The following APBB2 variants were observed in gnomAD, a reference collection of about 807,000 sequenced individuals.
APBB2 encodes amyloid beta precursor protein binding family B member 2, also known as Fe65-like 1.
Under a neutral mutation model 82.5 loss-of-function variants are expected in APBB2, and 38 were observed. The observed-to-expected ratio is 0.46, with a 90% CI of 0.36 to 0.60. The LOEUF is 0.60. APBB2 is among the 20% of genes least tolerant of loss of function. The pLI is 0.00. For missense variants in APBB2, 772 were observed against 972.3 expected (o/e 0.79, Z 2.74); for synonymous variants, 341 against 368.2 (o/e 0.93, Z 0.85).
chr4:41,137,741 G>A (rs1416164775), intron 2 of APBB2, among the ~76,000 whole-genome samples: 2 of 152,082 alleles, frequency 1.3e-5, no homozygotes, highest in African/African-American at 4.8e-5. Flanking sequence ...TACAAAAAAA[G>A]TCAAGTCACT....
chr4:41,024,207 TACA>T (rs1311349667), intron 5 of APBB2, among the ~76,000 whole-genome samples: 5 of 152,186 alleles, frequency 3.3e-5, no homozygotes, highest in Admixed American at 1.3e-4. Flanking sequence ...CACTTAAATG[TACA>T]ACCCCAAACT....
At chr4:41,134,396 G>A (rs12499062) in intron 2 of APBB2, among the ~76,000 whole-genome samples, 37,150 of 151,814 alleles carry the variant, frequency 0.24, 4,598 homozygotes, top group African/African-American at 0.27. Flanking sequence ...TGGCTAACAT[G>A]GTGAAACCCC....
At chr4:40,906,328 C>T (rs542421052) in intron 10 of APBB2, among the ~76,000 whole-genome samples, 4 of 151,506 alleles carry the variant, frequency 2.6e-5, no homozygotes, top group Non-Finnish European at 2.9e-5. Context: ...TGGTGGCACA[C>T]GCCTGTAGTC....
chr4:40,869,396 G>A (rs900112440), intron 12 of APBB2, among the ~76,000 whole-genome samples: 4 of 151,942 alleles, frequency 2.6e-5, no homozygotes, highest in Non-Finnish European at 5.9e-5. Context: ...GACTAGTCTG[G>A]GCAATATAGC....
At chr4:41,043,905 T>C (rs1423642973) in intron 4 of APBB2, among the ~76,000 whole-genome samples, 1 of 152,216 alleles carries the variant, frequency 6.6e-6, no homozygotes, top group Non-Finnish European at 1.5e-5. Context: ...ATTTTGGTGG[T>C]GCATGTTTAA....
chr4:41,210,101 G>A lies in APBB2; in HGVS notation c.-417+4304C>T, dbSNP rs1439314491. On this transcript the variant is annotated intron_variant, in intron 1 of 17. Transcript: ENST00000508593. ...CAAATGCCACCACTGATCTGACAGA[G>A]GTGGAGCTCAGGTGGTAAAGGTCAC... 2.0e-5 allele frequency among the ~76,000 whole-genome samples: 3 copies of A among 152,326 alleles called. No individual in the cohort carries two copies. The East Asian group carries it at 5.8e-4, about 29-fold the overall frequency.
rs1275285536 is a variant in APBB2 at position 41,127,363 on chromosome 4, A to G, written c.-261+15624T>C. 6.6e-6 allele frequency among the ~76,000 whole-genome samples: 1 copy of G among 152,252 alleles called. No homozygotes were observed. Among genetic ancestry groups the G allele is most frequent in the Non-Finnish European group, 1.5e-5 (1 of 68,042 alleles). ...CAAGGAAAAAAAAATCAAAGCATTC[A>G]CTTGATATTCCACATCAATAGAAGG... is the stretch of plus-strand genomic sequence containing the variant. On this transcript the variant is annotated intron_variant, in intron 2 of 17. Coordinates refer to ENST00000508593, the MANE Select transcript of APBB2 (RefSeq NM_004307.2). The surrounding 1 kb of genome is among the most constrained non-coding windows in gnomAD (Gnocchi z 4.8).
At chr4:41,191,961 GA>G (rs2154071207) in intron 1 of APBB2, among the ~76,000 whole-genome samples, 1 of 152,130 alleles carries the variant, frequency 6.6e-6, no homozygotes, top group South Asian at 2.1e-4. Context: ...GATAAAAAAT[GA>G]ATAAGTCACC....
intron 2 of APBB2, among the ~76,000 whole-genome samples, chr4:41,126,925 A>G (rs1754573017): frequency 1.3e-5 from 2 of 152,138 alleles, no homozygotes; most frequent in African/African-American, 4.8e-5. Flanking sequence ...CTACCTCTTT[A>G]AAGACTTTGT....
rs146482137 is a variant in APBB2, at chr4:41,166,162, C to T, written c.-416-23020G>A. On this transcript the variant is annotated intron_variant, in intron 1 of 17. Coordinates refer to ENST00000508593, the MANE Select transcript of APBB2 (RefSeq NM_004307.2). ...GTGCTGGGATTACAGGGTCAGGCCC[C>T]CTTTTAAAAGTACCCACTTTCTGCT... is the stretch of plus-strand genomic sequence containing the variant. Among the ~76,000 whole-genome samples the T allele has an allele frequency of 4.9e-3, 750 of 152,160 alleles. 4 individuals carry two copies. The highest frequency in any genetic ancestry group is 7.6e-3 in the Non-Finnish European group (520 of 68,004).
At chr4:40,878,616 T>G (rs1767539774) in intron 12 of APBB2, among the ~76,000 whole-genome samples, 1 of 152,166 alleles carries the variant, frequency 6.6e-6, no homozygotes, top group African/African-American at 2.4e-5. Flanking sequence ...TTCTTCCTCT[T>G]TGGAGTATTT....
At chr4:40,893,516 C>A in intron 10 of APBB2, 105 bp from the exon 11 acceptor site, 1 of 1,044,046 alleles carries the variant, frequency 9.6e-7, no homozygotes, top group Non-Finnish European at 1.3e-6. Flanking sequence ...ACTTAATGCA[C>A]CTTTATTTGC....
At chr4:41,092,680 C>T (rs1742167066) in intron 3 of APBB2, among the ~76,000 whole-genome samples, 1 of 142,286 alleles carries the variant, frequency 7.0e-6, no homozygotes, top group Admixed American at 7.0e-5. Flanking sequence ...CAGAGTGAGA[C>T]TCCGTCTCAA....
intron 10 of APBB2, among the ~76,000 whole-genome samples, chr4:40,905,555 C>A (rs906289361): frequency 6.6e-6 from 1 of 152,224 alleles, no homozygotes; most frequent in Non-Finnish European, 1.5e-5. Context: ...ATTCCCAAGT[C>A]AGCTCCTGCC....
At chr4:41,168,727 T>C (rs1317340033) in intron 1 of APBB2, among the ~76,000 whole-genome samples, 3 of 152,226 alleles carry the variant, frequency 2.0e-5, no homozygotes. Flanking sequence ...AGCCTAACTC[T>C]TAATCTCTAC....
intron 1 of APBB2, among the ~76,000 whole-genome samples, chr4:41,179,358 C>T (rs985061300): frequency 2.6e-5 from 4 of 152,120 alleles, no homozygotes; most frequent in Non-Finnish European, 5.9e-5. Flanking sequence ...ATCATATCAA[C>T]ATATATATCA....
At position 40,825,902 on chromosome 4, in the gene APBB2, C is replaced by A. The variant is rs761351238; in HGVS notation, c.1801G>T (p.Val601Leu). 22 of 1,613,946 alleles carry A rather than the reference C, an allele frequency of 1.4e-5. No homozygotes were observed. The South Asian group carries it at 2.3e-4, about 17-fold the overall frequency. The change falls in exon 15 of 18, where the codon GTA (valine) becomes TTA (leucine). Residue 601 changes from valine to leucine, a missense_variant. Transcript: ENST00000508593. ...FHVQYLGMLP[V>L]DKPVGMDILN... ...TTTCACATACCGACTGGTTTGTCTA[C>A]AGGTAACATGCCCAAGTACTGCACG...
chr4:41,032,535 A>C (rs576091345), intron 5 of APBB2, among the ~76,000 whole-genome samples: 1 of 152,174 alleles, frequency 6.6e-6, no homozygotes, highest in South Asian at 2.1e-4. Flanking sequence ...AGCAAACTCT[A>C]CAAGCTATTA....
chr4:40,951,103 G>A lies in APBB2; in HGVS notation c.836-6030C>T, dbSNP rs564231858. On this transcript the variant is annotated intron_variant, in intron 6 of 17. Coordinates refer to ENST00000508593, the MANE Select transcript of APBB2 (RefSeq NM_004307.2). The stretch of plus-strand genomic sequence containing the variant: ...AGGATACAGTCATCACCAAAAACTG[G>A]AGGATGAATACCTGGAGTGGGGGAG... 2.0e-4 allele frequency among the ~76,000 whole-genome samples: 31 copies of A among 152,286 alleles called. 1 individual carries two copies. The East Asian group carries it at 5.8e-3, about 28-fold the overall frequency.
Sources: gnomAD v4.1 joint callset for allele counts (sites outside exome capture counted in the v4.1 genomes callset) on GRCh38, gnomAD v4.1.1 for gene constraint, Gnocchi (gnomAD v3.1) non-coding constraint, MANE v1.5 for transcripts, NCBI Gene and HGNC (gene_info 2026-07-23, HGNC 2026-07-21) for gene names.